The following EPB41L4A variants were observed in gnomAD, a reference collection of about 807,000 sequenced individuals.
EPB41L4A encodes band 4.1-like protein 4A.
A neutral mutation model predicts 108.6 loss-of-function variants in EPB41L4A; 100 were observed. The observed-to-expected ratio is 0.92, with a 90% CI of 0.78 to 1.09. The LOEUF is 1.09. Among genes scored for constraint, EPB41L4A ranks in the 50% least tolerant of loss-of-function variants. EPB41L4A has a pLI of 0.00. For synonymous variants in EPB41L4A, 319 were observed against 289.0 expected (o/e 1.10, Z -1.05); for missense variants, 1,030 against 842.7 (o/e 1.22, Z -2.75).
intron 6 of EPB41L4A, among the ~76,000 whole-genome samples, chr5:112,262,799 G>A (rs1022572580): frequency 6.6e-6 from 1 of 152,008 alleles, no homozygotes; most frequent in Non-Finnish European, 1.5e-5. Context: ...AATCCATTCT[G>A]GCTCATTATA....
chr5:112,287,355 T>C (rs1460707521), intron 2 of EPB41L4A, among the ~76,000 whole-genome samples: 2 of 152,224 alleles, frequency 1.3e-5, no homozygotes, highest in African/African-American at 4.8e-5. Context: ...AAAACCTCTT[T>C]ATCTTCTATC....
intron 1 of EPB41L4A, among the ~76,000 whole-genome samples, chr5:112,312,946 G>A (rs969060347): frequency 6.6e-6 from 1 of 152,160 alleles, no homozygotes; most frequent in Admixed American, 6.5e-5. Flanking sequence ...TGCAATTAAA[G>A]TATATTTGTC....
At chr5:112,160,893 T>G (rs552652940), downstream of EPB41L4A, 1 of 156,364 alleles carries the variant, frequency 6.4e-6, no homozygotes, top group Admixed American at 6.5e-5. Flanking sequence ...GAGCTTGCTG[T>G]GGTTTTTGCT....
intron 12 of EPB41L4A, among the ~76,000 whole-genome samples, chr5:112,233,156 T>C (rs1749077780): frequency 6.6e-6 from 1 of 152,074 alleles, no homozygotes; most frequent in Admixed American, 6.6e-5. Flanking sequence ...ACACTGTATA[T>C]AATGTTGGCA....
intron 6 of EPB41L4A, chr5:112,264,632 G>T (rs1751722621): frequency 4.0e-6 from 1 of 248,984 alleles, no homozygotes; most frequent in Non-Finnish European, 7.6e-6. Context: ...CTGGGAAATT[G>T]TACATACAAA....
rs140164605 is a variant in EPB41L4A at position 112,314,681 on chromosome 5, G to A, written c.100-7191C>T. 6.4e-4 allele frequency among the ~76,000 whole-genome samples: 97 copies of A among 151,976 alleles called. 1 individual carries two copies. Among genetic ancestry groups the A allele is most frequent in the African/African-American group, 2.1e-3 (86 of 41,480 alleles). On this transcript the variant is annotated intron_variant, in intron 1 of 22. Transcript: ENST00000261486. ...AACTTAGCTGGGCATAGTGGCACGC[G>A]CCTGGGGAGGCTGAGACAGGAAAAT...
downstream of EPB41L4A, chr5:112,161,560 G>T (rs1203892079): frequency 9.6e-6 from 5 of 519,112 alleles, no homozygotes; most frequent in Admixed American, 9.7e-5. Flanking sequence ...ACGCTTTGCA[G>T]CCTTTTCCTG....
intron 4 of EPB41L4A, among the ~76,000 whole-genome samples, chr5:112,269,199 T>A (rs934508229): frequency 3.7e-4 from 56 of 151,978 alleles, no homozygotes; most frequent in Middle Eastern, 3.4e-3. Flanking sequence ...GAAAAAAAAA[T>A]ATCTACTCAA....
intron 1 of EPB41L4A, among the ~76,000 whole-genome samples, chr5:112,328,725 G>A (rs1258031330): frequency 6.6e-6 from 1 of 152,132 alleles, no homozygotes; most frequent in African/African-American, 2.4e-5. Flanking sequence ...TGAAATGGCT[G>A]GACTTAATAC....
At chr5:112,274,720 T>G (rs1431386809) in intron 4 of EPB41L4A, among the ~76,000 whole-genome samples, 1 of 152,240 alleles carries the variant, frequency 6.6e-6, no homozygotes, top group African/African-American at 2.4e-5. Context: ...GGTCTGTTCC[T>G]TATGAGCCCT....
chr5:112,324,063 A>C (rs1755984681), intron 1 of EPB41L4A, among the ~76,000 whole-genome samples: 1 of 152,224 alleles, frequency 6.6e-6, no homozygotes, highest in African/African-American at 2.4e-5. Context: ...GATATGCTCT[A>C]ATAGACAGAG....
At chr5:112,354,928 T>TAC (rs1478339872) in intron 1 of EPB41L4A, among the ~76,000 whole-genome samples, 1 of 152,216 alleles carries the variant, frequency 6.6e-6, no homozygotes, top group Non-Finnish European at 1.5e-5. Context: ...ATGCTACATT[T>TAC]ATGTGTAACT....
intron 12 of EPB41L4A, among the ~76,000 whole-genome samples, chr5:112,212,056 TA>T (rs1241495215): frequency 6.6e-6 from 1 of 152,212 alleles, no homozygotes; most frequent in Non-Finnish European, 1.5e-5. Flanking sequence ...TCCCTGGAAC[TA>T]CTCCACGTGC....
At chr5:112,336,375 C>A (rs1010726920) in intron 1 of EPB41L4A, among the ~76,000 whole-genome samples, 1 of 152,124 alleles carries the variant, frequency 6.6e-6, no homozygotes, top group East Asian at 1.9e-4. Flanking sequence ...TGGTTGGGGG[C>A]GGGAGTTCAA....
Position 112,262,497 on chromosome 5 carries a change from G to A in EPB41L4A, c.639C>T (p.Val213=), listed in dbSNP as rs769846472. The change falls in exon 7 of 23, where the codon GTC becomes GTT. Residue 213 remains valine, a synonymous_variant. Coordinates refer to ENST00000261486, the MANE Select transcript of EPB41L4A (RefSeq NM_022140.5). ...LEMYGVDLHP[V]YGENKSEYFL... The stretch of plus-strand genomic sequence containing the variant: ...GTGTTAATTAAATGTTACTCACATA[G>A]ACGGGATGGAGGTCAACGCCATACA... 1 of 1,612,700 alleles carries A rather than the reference G, an allele frequency of 6.2e-7. No individual in the cohort carries two copies. Among genetic ancestry groups the A allele is most frequent in the Non-Finnish European group, 8.5e-7 (1 of 1,178,830 alleles).
At chr5:112,410,317 A>G (rs1762333643) in intron 1 of EPB41L4A, among the ~76,000 whole-genome samples, 2 of 152,188 alleles carry the variant, frequency 1.3e-5, no homozygotes, top group Admixed American at 6.5e-5. Context: ...TAACCCAAGC[A>G]CAGAGGCTGA....
At chr5:112,306,624 A>T (rs1754699878) in intron 2 of EPB41L4A, among the ~76,000 whole-genome samples, 1 of 152,182 alleles carries the variant, frequency 6.6e-6, no homozygotes, top group South Asian at 2.1e-4. Flanking sequence ...AGGCAAGTCA[A>T]ATAGGGTATT....
chr5:112,339,010 G>A (rs886695366), intron 1 of EPB41L4A, among the ~76,000 whole-genome samples: 50 of 127,834 alleles, frequency 3.9e-4, no homozygotes, highest in African/African-American at 1.5e-3. Context: ...GAGAACATTT[G>A]TAAATAAAAG....
intron 1 of EPB41L4A, among the ~76,000 whole-genome samples, chr5:112,415,486 A>G (rs1762661313): frequency 6.6e-6 from 1 of 152,202 alleles, no homozygotes. Context: ...TCTATTTCAT[A>G]TTTGTAGCAG....
Sources: allele counts gnomAD v4.1 joint callset (sites outside exome capture counted in the v4.1 genomes callset), GRCh38; gene constraint gnomAD v4.1.1; transcripts MANE v1.5; gene names NCBI Gene and HGNC (gene_info 2026-07-23, HGNC 2026-07-21).